TAFA1: variants seen among roughly 807,000 people sequenced by gnomAD.
The protein encoded by TAFA1 is chemokine-like protein TAFA-1.
A neutral mutation model predicts 18.5 loss-of-function variants in TAFA1; 4 were observed. The observed-to-expected ratio is 0.22, with a 90% CI of 0.11 to 0.49. The LOEUF is 0.49. Ranked by LOEUF, TAFA1 falls within the 20% of genes least tolerant of loss-of-function variation. The probability of loss-of-function intolerance (pLI) is 0.98; values close to 1 mark genes in which losing one functional copy is unlikely to be tolerated. For missense variants in TAFA1, 147 were observed against 169.0 expected (o/e 0.87, Z 0.72); for synonymous variants, 56 against 55.2 (o/e 1.01, Z -0.06).
chr3:68,193,059 A>C (rs1439679756), intron 2 of TAFA1, among the ~76,000 whole-genome samples: 2 of 151,762 alleles, frequency 1.3e-5, no homozygotes, highest in Non-Finnish European at 2.9e-5. Context: ...GCTGAGCTCC[A>C]TCCTAAGACG....
chr3:68,441,615 T>C (rs904564621), intron 3 of TAFA1, among the ~76,000 whole-genome samples: 1 of 152,122 alleles, frequency 6.6e-6, no homozygotes, highest in African/African-American at 2.4e-5. Flanking sequence ...AGAATTGATA[T>C]ATACATGATC....
At chr3:68,057,037 C>T (rs765663947) in intron 2 of TAFA1, among the ~76,000 whole-genome samples, 3 of 152,154 alleles carry the variant, frequency 2.0e-5, no homozygotes, top group Non-Finnish European at 4.4e-5. Flanking sequence ...AGCTACAATT[C>T]TGCCCATCAT....
intron 3 of TAFA1, among the ~76,000 whole-genome samples, chr3:68,440,069 G>T (rs891155231): frequency 2.0e-5 from 3 of 151,234 alleles, no homozygotes; most frequent in African/African-American, 7.3e-5. Context: ...ATCTCAAATT[G>T]TAACCCCCAC....
intron 3 of TAFA1, among the ~76,000 whole-genome samples, chr3:68,422,073 C>A (rs1575852555): frequency 6.6e-6 from 1 of 151,998 alleles, no homozygotes; most frequent in East Asian, 1.9e-4. Context: ...AATATATGTC[C>A]TTCCAGTCTT....
intron 2 of TAFA1, among the ~76,000 whole-genome samples, chr3:68,329,731 G>A (rs2068833166): frequency 6.6e-6 from 1 of 152,180 alleles, no homozygotes. Flanking sequence ...CATGTATAAA[G>A]TTGGAAACAG....
chr3:68,224,019 T>A (rs2066765325), intron 2 of TAFA1, among the ~76,000 whole-genome samples: 1 of 151,168 alleles, frequency 6.6e-6, no homozygotes, highest in South Asian at 2.1e-4. Flanking sequence ...TGAGCCCAGA[T>A]TTTATAGCCA....
chr3:68,230,947 C>A (rs188753348), intron 2 of TAFA1, among the ~76,000 whole-genome samples: 1 of 152,146 alleles, frequency 6.6e-6, no homozygotes, highest in African/African-American at 2.4e-5. Context: ...ATCTTTTGCC[C>A]ATTTTTCAAA....
intron 2 of TAFA1, among the ~76,000 whole-genome samples, chr3:68,331,458 A>G (rs2068868851): frequency 6.6e-6 from 1 of 152,230 alleles, no homozygotes; most frequent in Non-Finnish European, 1.5e-5. Flanking sequence ...CATATAGTAG[A>G]TACTTGAAAA....
intron 2 of TAFA1, among the ~76,000 whole-genome samples, chr3:68,096,162 T>A (rs1482048811): frequency 2.0e-5 from 3 of 152,146 alleles, no homozygotes; most frequent in East Asian, 1.9e-4. Context: ...CTCTCACATA[T>A]GAGTGAGAAC....
chr3:68,522,166 A>AG (rs2073037847), intron 3 of TAFA1, among the ~76,000 whole-genome samples: 1 of 152,066 alleles, frequency 6.6e-6, no homozygotes, highest in South Asian at 2.1e-4. Context: ...AGTTATTTAT[A>AG]AATTTTTCTA....
At chr3:68,128,792 G>A (rs7617812) in intron 2 of TAFA1, among the ~76,000 whole-genome samples, 18,186 of 152,134 alleles carry the variant, frequency 0.12, 1,134 homozygotes, top group Middle Eastern at 0.17. Context: ...CAGGCTCAGC[G>A]AGTTAACTCC....
intron 2 of TAFA1, among the ~76,000 whole-genome samples, chr3:68,092,083 A>G (rs777025559): frequency 1.3e-5 from 2 of 152,158 alleles, no homozygotes; most frequent in Admixed American, 6.6e-5. Flanking sequence ...AAATTCTGTA[A>G]TAAGCCCTCT....
intron 2 of TAFA1, among the ~76,000 whole-genome samples, chr3:68,352,448 A>C (rs1210486811): frequency 6.6e-6 from 1 of 151,944 alleles, no homozygotes; most frequent in Middle Eastern, 3.2e-3. Context: ...GAGGTGAAAA[A>C]CTATGGAAAG....
chr3:68,229,420 G>A (rs962593401), intron 2 of TAFA1, among the ~76,000 whole-genome samples: 8 of 152,136 alleles, frequency 5.3e-5, no homozygotes, highest in African/African-American at 1.4e-4. Flanking sequence ...AAATGTCATC[G>A]CTCAACCATT....
rs201302052 is a variant in TAFA1, at chr3:68,458,801, TA to T, written c.259+41384del. On this transcript the variant is annotated intron_variant, in intron 3 of 4. Coordinates refer to ENST00000478136, the MANE Select transcript of TAFA1 (RefSeq NM_213609.4). The stretch of plus-strand genomic sequence containing the variant: ...CAGTGCTTCCCACTTTTTTTTTTTT[TA>T]AACTGTATCACTACTTCCATAAGAA... Among the ~76,000 whole-genome samples the T allele has an allele frequency of 7.8e-3, 1,173 of 149,796 alleles. 14 individuals carry two copies. The highest frequency in any genetic ancestry group is 0.023 in the African/African-American group (940 of 41,022).
intron 2 of TAFA1, among the ~76,000 whole-genome samples, chr3:68,204,993 G>C (rs1286088912): frequency 6.6e-6 from 1 of 151,458 alleles, no homozygotes; most frequent in African/African-American, 2.4e-5. Flanking sequence ...TTATAAAGTA[G>C]ATTGGCCAAT....
At chr3:68,227,601 C>A (rs926303044) in intron 2 of TAFA1, among the ~76,000 whole-genome samples, 1 of 152,232 alleles carries the variant, frequency 6.6e-6, no homozygotes, top group Admixed American at 6.5e-5. Flanking sequence ...CACAAAAGAC[C>A]ACAAAATGCA....
intron 2 of TAFA1, among the ~76,000 whole-genome samples, chr3:68,070,148 T>G (rs2064735076): frequency 6.6e-6 from 1 of 151,936 alleles, no homozygotes; most frequent in South Asian, 2.1e-4. Context: ...TTAGCAGAGG[T>G]TTTCCATGAG....
In TAFA1 at chr3:68,108,479, T is replaced by C. The variant is rs73834829; in HGVS notation, c.118+101735T>C. On this transcript the variant is annotated intron_variant, in intron 2 of 4. Coordinates refer to ENST00000478136, the MANE Select transcript of TAFA1 (RefSeq NM_213609.4). ...GTGTGTGTGCATGTGTGTGTGTGTATAAAGTAGTGAATTAAGCATTATGAC... is the reference window on the plus strand; with the variant it reads ...GTGTGTGTGCATGTGTGTGTGTGTACAAAGTAGTGAATTAAGCATTATGAC... 6.1e-3 allele frequency among the ~76,000 whole-genome samples: 900 copies of C among 148,050 alleles called. 15 individuals carry two copies. The highest frequency in any genetic ancestry group is 0.021 in the African/African-American group (864 of 40,344).
Sources: allele counts gnomAD v4.1 joint callset (sites outside exome capture counted in the v4.1 genomes callset), GRCh38; gene constraint gnomAD v4.1.1; transcripts MANE v1.5; gene names NCBI Gene and HGNC (gene_info 2026-07-23, HGNC 2026-07-21).